The following IBA57 variants were observed in gnomAD, a reference collection of about 807,000 sequenced individuals.
IBA57 encodes the protein iron-sulfur cluster assembly factor IBA57, also known as iron-sulfur cluster assembly factor IBA57, mitochondrial.
A neutral mutation model predicts 20.4 loss-of-function variants in IBA57; 20 were observed. The observed-to-expected ratio is 0.98, with a 90% confidence interval of 0.69 to 1.42. The LOEUF (loss-of-function observed/expected upper bound fraction) is 1.42, where lower values mean the gene tolerates loss of function less well. Ranked by LOEUF, IBA57 falls within the 40% of genes most tolerant of loss-of-function variation. The pLI is 0.00. For synonymous variants in IBA57, 310 were observed against 233.9 expected, an observed-to-expected ratio of 1.33 and a Z score of -2.97; for missense variants, 608 against 499.3, an observed-to-expected ratio of 1.22 and a Z score of -2.07.
intron 1 of IBA57, chr1:228,171,333 C>G (rs2034924843): frequency 6.6e-6 from 1 of 152,244 alleles, no homozygotes; most frequent in South Asian, 2.1e-4. Context: ...TGAGGCAAGT[C>G]TCCTGGCAGT....
At position 228,165,924 on chromosome 1, in the gene IBA57, C is replaced by T. The variant is rs1478097731; in HGVS notation, c.108C>T (p.Cys36=). The T allele has an allele frequency of 6.7e-7, 1 of 1,489,366 alleles. No individual in the cohort carries two copies. Among genetic ancestry groups the T allele is most frequent in the Non-Finnish European group, 8.9e-7 (1 of 1,126,130 alleles). The allele number at this position is 1,489,366 out of a possible 1,614,324, so 92.3% of individuals were successfully genotyped here. Residue 36 remains cysteine, a synonymous_variant, in exon 1 of 3, where the codon TGC becomes TGT. Coordinates refer to ENST00000366711, the MANE Select transcript of IBA57 (RefSeq NM_001010867.4). ...GGTGCCGCCTGGCCCACAGCTCCTG[C>T]AGTCCTGGTGGCGACCCAACGGCCG... ...APRCRLAHSS[C]SPGGDPTAGA... is the part of the protein sequence containing the mutation.
intron 1 of IBA57, among the ~76,000 whole-genome samples, chr1:228,169,638 A>G (rs545115699): frequency 6.6e-6 from 1 of 152,272 alleles, no homozygotes; most frequent in South Asian, 2.1e-4. Flanking sequence ...CATGTCTACC[A>G]TCGTAGCATC....
Position 228,178,862 on chromosome 1 carries a change from A to C in IBA57, c.*3349A>C, listed in dbSNP as rs1255202552. 2 of 152,096 alleles carry C rather than the reference A, an allele frequency of 1.3e-5. No homozygotes were observed. The highest frequency in any genetic ancestry group is 2.9e-5 in the Non-Finnish European group (2 of 68,040). The allele number at this position is 152,096 out of a possible 1,614,324, so 9.4% of individuals were successfully genotyped here. A position where few individuals can be genotyped will look rare whatever the true frequency, so the allele number is the denominator to read the frequency against. ...GAGCCTCTGCTAGACCTTTCCTGGC[A>C]CTTCCCCAGGAAAGGCAAGGCAGGG... On this transcript the variant is annotated 3_prime_UTR_variant, in exon 3 of 3. Transcript: ENST00000366711.
intron 1 of IBA57, chr1:228,173,502 G>A (rs2034955960): frequency 6.6e-6 from 1 of 151,718 alleles, no homozygotes; most frequent in South Asian, 2.1e-4. Context: ...CTCTGAGGAG[G>A]GCTGCCTGGA....
chr1:228,178,580 TAAAAC>T lies in IBA57; in HGVS notation c.*3071_*3075del, dbSNP rs769863774. ...TGGGCAACAGAGCAAGACCCTGTCT[TAAAAC>T]AAAGAAAGAATAAAAAAGAAGAGAA... On this transcript the variant is annotated 3_prime_UTR_variant, in exon 3 of 3. Transcript: ENST00000366711. The T allele has an allele frequency of 1.1e-4, 15 of 131,028 alleles. No individual in the cohort carries two copies. The highest frequency in any genetic ancestry group is 4.0e-4 in the African/African-American group (15 of 37,410). The allele number at this position is 131,028 out of a possible 1,614,324, so 8.1% of individuals were successfully genotyped here.
chr1:228,166,379 A>G (rs2034853852), intron 1 of IBA57, among the ~76,000 whole-genome samples: 1 of 151,728 alleles, frequency 6.6e-6, no homozygotes, highest in African/African-American at 2.4e-5. Flanking sequence ...ACCCAGGGGA[A>G]GCTCACCCAG....
chr1:228,168,057 G>C (rs1383153400), intron 1 of IBA57, among the ~76,000 whole-genome samples: 1 of 152,094 alleles, frequency 6.6e-6, no homozygotes, highest in Non-Finnish European at 1.5e-5. Flanking sequence ...GTAAAGTACA[G>C]CTGACTTTGC....
chr1:228,175,438 C>T lies in IBA57; in HGVS notation c.996C>T (p.His332=), dbSNP rs2035001248. 6.2e-7 allele frequency: 1 copy of T among 1,611,230 alleles called. No individual in the cohort carries two copies. Among genetic ancestry groups the T allele is most frequent in the African/African-American group, 1.3e-5 (1 of 75,026 alleles). The change falls in exon 3 of 3, where the codon CAC becomes CAT. Residue 332 remains histidine (H), a synonymous_variant. Transcript: ENST00000366711. ...LWSEKIKGPL[H]IRASEGAQVA... Reference sequence around the variant, plus strand: ...CAGAGAAGATCAAGGGTCCTCTGCACATCAGAGCCTCTGAGGGTGCCCAGG... The same window carrying T: ...CAGAGAAGATCAAGGGTCCTCTGCATATCAGAGCCTCTGAGGGTGCCCAGG...
chr1:228,179,525 A>T lies in IBA57; in HGVS notation c.*4012A>T, dbSNP rs2035075735. 6.6e-6 allele frequency: 1 copy of T among 152,128 alleles called. No individual in the cohort carries two copies. 9.4% of individuals were successfully genotyped at this position (152,128 alleles called of 1,614,324 possible). ...GCAATTTACGAGTAATTCCAGAAGG[A>T]GGGGAAAGAGAATATGGGGTGGAGG... On this transcript the variant is annotated 3_prime_UTR_variant, in exon 3 of 3. Coordinates refer to ENST00000366711, the MANE Select transcript of IBA57 (RefSeq NM_001010867.4).
chr1:228,174,088 C>T (rs1397644249), intron 1 of IBA57, among the ~76,000 whole-genome samples: 2 of 152,114 alleles, frequency 1.3e-5, no homozygotes, highest in Non-Finnish European at 2.9e-5. Context: ...GTGATGCGCG[C>T]CTTGGGAGGT....
rs2034999415 is a variant in IBA57 at position 228,175,385 on chromosome 1, G to A, written c.943G>A (p.Gly315Ser). 3.1e-6 allele frequency: 5 copies of A among 1,612,852 alleles called. No individual in the cohort carries two copies. Among genetic ancestry groups the A allele is most frequent in the East Asian group, 2.2e-5 (1 of 44,896 alleles). Residue 315 changes from glycine to serine, a missense_variant, in exon 3 of 3, where the codon GGC (glycine) becomes AGC (serine). Physicochemically the swap from Gly to Ser is moderately conservative, Grantham distance 56. Transcript: ENST00000366711. The part of the protein sequence containing the change: ...QTVGKFRAGQ[G>S]NVGLALLWSE... ...TGTGGGCAAGTTCAGGGCTGGCCAG[G>A]GCAACGTGGGGCTGGCCCTGCTGTG...
At chr1:228,167,075 G>T (rs1298196082) in intron 1 of IBA57, among the ~76,000 whole-genome samples, 1 of 152,132 alleles carries the variant, frequency 6.6e-6, no homozygotes, top group African/African-American at 2.4e-5. Context: ...TTGTTTTCTC[G>T]CTGCCAGCTT....
intron 1 of IBA57, among the ~76,000 whole-genome samples, chr1:228,169,691 C>T (rs2034898352): frequency 6.6e-6 from 1 of 152,118 alleles, no homozygotes; most frequent in African/African-American, 2.4e-5. Flanking sequence ...TGTGCCCTGC[C>T]CATCCATCCA....
rs1028692376 is a variant in IBA57 at position 228,177,213 on chromosome 1, CAA to C, written c.*1702_*1703del. ...GGAATGAGGGTCTGTGCCTCGAGCT[CAA>C]AGTGTCCCGGCTCTGTCATCTGCCT... On this transcript the variant is annotated 3_prime_UTR_variant, in exon 3 of 3. Coordinates refer to ENST00000366711, the MANE Select transcript of IBA57 (RefSeq NM_001010867.4). 12 of 152,352 alleles carry C rather than the reference CAA, an allele frequency of 7.9e-5. No homozygotes were observed. The highest frequency in any genetic ancestry group is 2.4e-4 in the African/African-American group (10 of 41,456). The allele number at this position is 152,352 out of a possible 1,614,324, so 9.4% of individuals were successfully genotyped here. A position where few individuals can be genotyped will look rare whatever the true frequency, so the allele number is the denominator to read the frequency against.
rs2034917025 is a variant in IBA57, at chr1:228,170,983, C to T, written c.342-3709C>T. On this transcript the variant is annotated intron_variant, in intron 1 of 2. Coordinates refer to ENST00000366711, the MANE Select transcript of IBA57 (RefSeq NM_001010867.4). The surrounding 1 kb of genome is among the most constrained non-coding windows in gnomAD (Gnocchi z 4.8). Reference sequence around the variant, plus strand: ...ACCCCTGACCTCCCTCCTCTTCCTGCACCCTTGCTCCCACCGGGGCTTCTG... The same window carrying T: ...ACCCCTGACCTCCCTCCTCTTCCTGTACCCTTGCTCCCACCGGGGCTTCTG... 6.6e-6 allele frequency among the ~76,000 whole-genome samples: 1 copy of T among 152,080 alleles called. No individual in the cohort carries two copies. Among genetic ancestry groups the T allele is most frequent in the African/African-American group, 2.4e-5 (1 of 41,406 alleles).
intron 1 of IBA57, 60 bp downstream of exon 1, chr1:228,166,217 G>C (rs964972649): frequency 9.5e-7 from 1 of 1,049,526 alleles, no homozygotes; most frequent in East Asian, 1.1e-4. Context: ...CCAGGGACCG[G>C]CACCCAGGGA....
intron 1 of IBA57, among the ~76,000 whole-genome samples, chr1:228,174,143 C>A (rs1047486418): frequency 3.5e-4 from 52 of 150,116 alleles, no homozygotes; most frequent in African/African-American, 1.2e-3. Context: ...GGGCGTGGCT[C>A]GCTGTGGGCG....
rs2035070234 is a variant in IBA57 at position 228,179,071 on chromosome 1, C to T, written c.*3558C>T. On this transcript the variant is annotated 3_prime_UTR_variant, in exon 3 of 3. Transcript: ENST00000366711. Reference sequence around the variant, plus strand: ...GACTGGCTGGCCTGGGAGGGGCAGTCTCCCAGCCAGAAGGTGGAATTTTTT... The same window carrying T: ...GACTGGCTGGCCTGGGAGGGGCAGTTTCCCAGCCAGAAGGTGGAATTTTTT... 6.6e-6 allele frequency: 1 copy of T among 151,874 alleles called. No individual in the cohort carries two copies. Among genetic ancestry groups the T allele is most frequent in the African/African-American group, 2.4e-5 (1 of 41,328 alleles). 9.4% of individuals were successfully genotyped at this position (151,874 alleles called of 1,614,324 possible). A position where few individuals can be genotyped will look rare whatever the true frequency, so the allele number is the denominator to read the frequency against.
rs1339532609 is a variant in IBA57 at position 228,181,000 on chromosome 1, A to G, written c.*5487A>G. 6.6e-6 allele frequency: 1 copy of G among 152,012 alleles called. No homozygotes were observed. The highest frequency in any genetic ancestry group is 1.5e-5 in the Non-Finnish European group (1 of 68,018). 9.4% of individuals were successfully genotyped at this position (152,012 alleles called of 1,614,324 possible). A position where few individuals can be genotyped will look rare whatever the true frequency, so the allele number is the denominator to read the frequency against. ...TGGTCTTCAACTCTTGTCCCCAAGT[A>G]GCTGGGATTGGGGCATGAGGCACTG... is the stretch of plus-strand genomic sequence containing the variant. On this transcript the variant is annotated 3_prime_UTR_variant, in exon 3 of 3. Transcript: ENST00000366711.
Sources: gnomAD v4.1 joint callset for allele counts (sites outside exome capture counted in the v4.1 genomes callset) on GRCh38, gnomAD v4.1.1 for gene constraint, Gnocchi (gnomAD v3.1) non-coding constraint, MANE v1.5 for transcripts, NCBI Gene and HGNC (gene_info 2026-07-23, HGNC 2026-07-21) for gene names.